Variants in SLC24A2 observed in about 807,000 individuals in gnomAD.
SLC24A2 encodes the protein solute carrier family 24 member 2, also known as sodium/potassium/calcium exchanger 2.
Under a neutral mutation model 62.0 loss-of-function variants are expected in SLC24A2, and 36 were observed. The observed-to-expected ratio is 0.58, with a 90% CI of 0.44 to 0.77. The LOEUF (loss-of-function observed/expected upper bound fraction) is 0.77. Among genes scored for constraint, SLC24A2 ranks in the 30% least tolerant of loss-of-function variants. The pLI is 0.00. For missense variants in SLC24A2, 846 were observed against 817.9 expected, an observed-to-expected ratio of 1.03 and a Z score of -0.42; for synonymous variants, 358 against 294.0, an observed-to-expected ratio of 1.22 and a Z score of -2.23.
the SLC24A2 span, among the ~76,000 whole-genome samples, chr9:19,996,144 A>T: frequency 6.6e-6 from 1 of 152,220 alleles, no homozygotes; most frequent in African/African-American, 2.4e-5. Context: ...TAAAGTTGGG[A>T]AAGAAATATG....
the SLC24A2 span, among the ~76,000 whole-genome samples, chr9:19,913,456 A>G: frequency 3.3e-5 from 5 of 152,172 alleles, no homozygotes; most frequent in East Asian, 7.7e-4. Context: ...CTCCATCTGT[A>G]AGGTGATTTA....
chr9:19,630,054 A>C (rs1038844235), intron 2 of SLC24A2, among the ~76,000 whole-genome samples: 5 of 152,212 alleles, frequency 3.3e-5, no homozygotes, highest in African/African-American at 1.2e-4. Context: ...TATATCATTA[A>C]ATTAACTAGA....
chr9:20,217,627 C>T, the SLC24A2 span, among the ~76,000 whole-genome samples: 20,529 of 152,054 alleles, frequency 0.14, 1,649 homozygotes, highest in African/African-American at 0.22. Flanking sequence ...TTGAACACAT[C>T]GGGGGGTAAA....
chr9:19,570,472 T>C (rs1266436539), intron 7 of SLC24A2, among the ~76,000 whole-genome samples: 1 of 152,208 alleles, frequency 6.6e-6, no homozygotes, highest in Non-Finnish European at 1.5e-5. Context: ...TCTAAGATCA[T>C]ACCAGGTCAT....
chr9:19,780,812 G>A (rs1587317733), intron 2 of SLC24A2, among the ~76,000 whole-genome samples: 1 of 148,238 alleles, frequency 6.7e-6, no homozygotes, highest in East Asian at 2.0e-4. Flanking sequence ...GGCGGAGCCT[G>A]CAGCGAGCCG....
chr9:20,115,703 T>A, the SLC24A2 span, among the ~76,000 whole-genome samples: 1 of 152,142 alleles, frequency 6.6e-6, no homozygotes, highest in Non-Finnish European at 1.5e-5. Context: ...GTTATGAAAC[T>A]CACTGACACA....
chr9:19,929,636 A>C, the SLC24A2 span: 3 of 152,220 alleles, frequency 2.0e-5, no homozygotes, highest in African/African-American at 7.2e-5. Flanking sequence ...TATTTACTGT[A>C]CTATATTTTT....
At chr9:20,295,934 T>C in the SLC24A2 span, among the ~76,000 whole-genome samples, 3 of 152,198 alleles carry the variant, frequency 2.0e-5, no homozygotes, top group African/African-American at 4.8e-5. Context: ...TTTGGTTCTA[T>C]CTCTCTGGAG....
chr9:20,186,737 A>G, the SLC24A2 span, among the ~76,000 whole-genome samples: 1 of 152,244 alleles, frequency 6.6e-6, no homozygotes, highest in East Asian at 1.9e-4. Flanking sequence ...CAAATTATAT[A>G]GGATTAAATG....
At chr9:19,543,672 T>G (rs931689079) in intron 8 of SLC24A2, among the ~76,000 whole-genome samples, 7 of 152,216 alleles carry the variant, frequency 4.6e-5, no homozygotes, top group African/African-American at 1.7e-4. Context: ...TGTTTCTGCC[T>G]TCATTTCGTT....
Position 19,616,911 on chromosome 9 carries a change from A to C in SLC24A2, c.1078+2673T>G, listed in dbSNP as rs572776360. Among the ~76,000 whole-genome samples, 196 of 152,238 alleles carry C rather than the reference A, an allele frequency of 1.3e-3. 1 individual carries two copies. The highest frequency in any genetic ancestry group is 4.4e-4 in the Non-Finnish European group (30 of 68,010). On this transcript the variant is annotated intron_variant, in intron 4 of 10. Coordinates refer to ENST00000341998, the MANE Select transcript of SLC24A2 (RefSeq NM_020344.4). Reference sequence around the variant, plus strand: ...GGGAAAAATGGAAGGGGGTGGGGGAAAGGAAAATATTATAGTGGAGAGAAC... The same window carrying C: ...GGGAAAAATGGAAGGGGGTGGGGGACAGGAAAATATTATAGTGGAGAGAAC...
At chr9:20,177,479 T>A in the SLC24A2 span, among the ~76,000 whole-genome samples, 2 of 152,068 alleles carry the variant, frequency 1.3e-5, no homozygotes, top group Non-Finnish European at 2.9e-5. Context: ...AGAGCACAAA[T>A]GACCCTTTTT....
rs377755071 is a variant in SLC24A2, at chr9:19,598,986, CTG to C, written c.1079-1709_1079-1708del. Among the ~76,000 whole-genome samples the C allele has an allele frequency of 4.7e-4, 71 of 152,290 alleles. No homozygotes were observed. The East Asian group carries it at 8.1e-3, about 17-fold the overall frequency. On this transcript the variant is annotated intron_variant, in intron 4 of 10. Transcript: ENST00000341998. Reference sequence around the variant, plus strand: ...CTCAGCAAACAGAATATGAGTGGCTCTGTGTTTGCAAAGTTGGATGTAAACTA... The same window carrying C: ...CTCAGCAAACAGAATATGAGTGGCTCTGTTTGCAAAGTTGGATGTAAACTA...
chr9:19,528,376 C>T (rs1385210024), intron 8 of SLC24A2, among the ~76,000 whole-genome samples: 1 of 152,290 alleles, frequency 6.6e-6, no homozygotes, highest in East Asian at 1.9e-4. Context: ...AGATGGAAAT[C>T]TTGAAGAGAA....
chr9:20,134,150 C>T, the SLC24A2 span, among the ~76,000 whole-genome samples: 1 of 152,136 alleles, frequency 6.6e-6, no homozygotes, highest in East Asian at 1.9e-4. Context: ...CTCAAGAAAG[C>T]TTCCTATAGA....
chr9:19,976,392 A>G, the SLC24A2 span, among the ~76,000 whole-genome samples: 1 of 152,130 alleles, frequency 6.6e-6, no homozygotes, highest in Non-Finnish European at 1.5e-5. Flanking sequence ...AGTTCTCATG[A>G]GATCTGGTTG....
the SLC24A2 span, among the ~76,000 whole-genome samples, chr9:19,904,117 T>C: frequency 2.6e-5 from 4 of 152,190 alleles, no homozygotes; most frequent in Admixed American, 6.5e-5. Flanking sequence ...TCCTCACTCC[T>C]TGAAGTATGT....
chr9:20,269,963 G>A, the SLC24A2 span, among the ~76,000 whole-genome samples: 6 of 152,170 alleles, frequency 3.9e-5, no homozygotes, highest in African/African-American at 1.2e-4. Context: ...CCAGGGGCAT[G>A]GCCCTGCCTT....
At chr9:20,194,852 C>G in the SLC24A2 span, among the ~76,000 whole-genome samples, 3 of 152,170 alleles carry the variant, frequency 2.0e-5, no homozygotes, top group African/African-American at 7.2e-5. Context: ...CAGACAGACA[C>G]ACACACGCAT....
Sources: gnomAD v4.1 joint callset for allele counts (sites outside exome capture counted in the v4.1 genomes callset) on GRCh38, gnomAD v4.1.1 for gene constraint, MANE v1.5 for transcripts, NCBI Gene and HGNC (gene_info 2026-07-23, HGNC 2026-07-21) for gene names.